Variants in USP34 observed in about 807,000 individuals in gnomAD.
USP34 encodes the protein ubiquitin carboxyl-terminal hydrolase 34.
A neutral mutation model predicts 460.3 loss-of-function variants in USP34; 70 were observed. That is an observed-to-expected ratio of 0.15 (90% CI 0.13 to 0.19). The LOEUF (loss-of-function observed/expected upper bound fraction) is 0.19, where lower values mean the gene tolerates loss of function less well. USP34 is among the 10% of genes least tolerant of loss of function. The probability of loss-of-function intolerance (pLI) is 1.00; values close to 1 mark genes in which losing one functional copy is unlikely to be tolerated. For missense variants in USP34, 3,985 were observed against 4,236.2 expected, an observed-to-expected ratio of 0.94 and a Z score of 1.65; for synonymous variants, 1,647 against 1,405.3, an observed-to-expected ratio of 1.17 and a Z score of -3.85.
At chr2:61,363,642 G>A (rs1266791553) in intron 10 of USP34, among the ~76,000 whole-genome samples, 1 of 152,118 alleles carries the variant, frequency 6.6e-6, no homozygotes, top group East Asian at 1.9e-4. Context: ...TAATCTTACG[G>A]GAACACTGTT....
chr2:61,319,405 C>G, intron 21 of USP34, 78 bp from the exon 22 acceptor site: 2 of 1,043,092 alleles, frequency 1.9e-6, no homozygotes, highest in Non-Finnish European at 2.6e-6. Flanking sequence ...TGTGTATGTA[C>G]AGTAAGTCCT....
At chr2:61,405,400 C>T (rs1693841341) in intron 3 of USP34, among the ~76,000 whole-genome samples, 2 of 148,366 alleles carry the variant, frequency 1.3e-5, no homozygotes, top group Admixed American at 1.3e-4. Flanking sequence ...CCATGTGTTT[C>T]TTTTCCCTCA....
intron 2 of USP34, among the ~76,000 whole-genome samples, chr2:61,407,372 G>A (rs1693906132): frequency 1.3e-5 from 2 of 152,176 alleles, no homozygotes; most frequent in Admixed American, 1.3e-4. Context: ...AAAAAAGGCA[G>A]GGAACGGTCT....
At chr2:61,344,112 TTACAAA>T in intron 15 of USP34, 83 bp from the exon 16 acceptor site, 1 of 1,290,818 alleles carries the variant, frequency 7.7e-7, no homozygotes, top group Non-Finnish European at 1.1e-6. Flanking sequence ...TCTCTTAAAC[TTACAAA>T]TACACTTAGA....
chr2:61,426,202 T>G (rs1017128540), intron 1 of USP34, among the ~76,000 whole-genome samples: 2 of 152,102 alleles, frequency 1.3e-5, no homozygotes, highest in African/African-American at 4.8e-5. Context: ...AACTCCTACT[T>G]GAGAAAAGCT....
intron 69 of USP34, among the ~76,000 whole-genome samples, chr2:61,209,916 T>C (rs1687225520): frequency 6.6e-6 from 1 of 152,146 alleles, no homozygotes; most frequent in Non-Finnish European, 1.5e-5. Flanking sequence ...TGTGTTTATG[T>C]CTTAGTTTTT....
intron 15 of USP34, among the ~76,000 whole-genome samples, chr2:61,346,104 G>T: frequency 6.6e-6 from 1 of 151,958 alleles, no homozygotes; most frequent in East Asian, 1.9e-4. Flanking sequence ...CACAATTTAG[G>T]AAAGTTTCCA....
chr2:61,230,761 T>C (rs182502150), intron 58 of USP34, among the ~76,000 whole-genome samples: 9 of 151,450 alleles, frequency 5.9e-5, no homozygotes, highest in African/African-American at 2.2e-4. Context: ...GGAGAATCAC[T>C]TGAACCCTGG....
chr2:61,300,013 C>A (rs1572912701), intron 29 of USP34, among the ~76,000 whole-genome samples: 1 of 152,132 alleles, frequency 6.6e-6, no homozygotes, highest in African/African-American at 2.4e-5. Flanking sequence ...AAACCACCAC[C>A]AAGTGATGTT....
chr2:61,314,670 G>C lies in USP34; in HGVS notation c.3457C>G (p.Leu1153Val). Residue 1153 changes from leucine (L) to valine (V), a missense_variant, in exon 25 of 80, where the codon CTT (leucine) becomes GTT (valine). Transcript: ENST00000398571. ...AGACTTGAGTGTGATTCCTGTTCAA[G>C]ACTGCTAGAAGCTATCATAAGACTC... is the stretch of plus-strand genomic sequence containing the variant. ...MESLMIASSS[L>V]EQESHSSLMV... The C allele has an allele frequency of 6.2e-7, 1 of 1,603,748 alleles. No individual in the cohort carries two copies. The highest frequency in any genetic ancestry group is 1.7e-4 in the Middle Eastern group (1 of 6,000).
chr2:61,460,767 G>A (rs1026955616), intron 1 of USP34, among the ~76,000 whole-genome samples: 5 of 152,022 alleles, frequency 3.3e-5, no homozygotes, highest in Non-Finnish European at 4.4e-5. Flanking sequence ...AGTGGATCAC[G>A]AGTTCAGGAG....
At chr2:61,418,326 C>G (rs1694258923) in intron 2 of USP34, among the ~76,000 whole-genome samples, 1 of 151,766 alleles carries the variant, frequency 6.6e-6, no homozygotes, top group South Asian at 2.1e-4. Flanking sequence ...GTGATCCACC[C>G]ACGTTGGCCT....
chr2:61,338,501 A>C (rs146598075), intron 18 of USP34, among the ~76,000 whole-genome samples: 52 of 152,332 alleles, frequency 3.4e-4, no homozygotes, highest in African/African-American at 1.0e-3. Flanking sequence ...TCAATAGGGG[A>C]AAAAAATATT....
At chr2:61,344,139 C>T (rs1190331239) in intron 15 of USP34, 110 bp from the exon 16 acceptor site, 2 of 948,100 alleles carry the variant, frequency 2.1e-6, no homozygotes, top group Admixed American at 2.5e-5. Flanking sequence ...AACAAACCGA[C>T]ATCTGCTTAT....
intron 53 of USP34, among the ~76,000 whole-genome samples, chr2:61,238,875 T>C (rs1688148205): frequency 6.6e-6 from 1 of 152,110 alleles, no homozygotes. Context: ...ATCAAGCAAG[T>C]CTATTGGCAC....
intron 62 of USP34, 45 bp from the exon 63 acceptor site, chr2:61,223,341 T>C (rs777927673): frequency 1.3e-6 from 2 of 1,567,742 alleles, no homozygotes; most frequent in East Asian, 4.5e-5. Context: ...TCCTTCTGTA[T>C]TACTTTACAG....
intron 21 of USP34, among the ~76,000 whole-genome samples, chr2:61,324,048 T>C (rs541813619): frequency 1.3e-5 from 2 of 152,310 alleles, no homozygotes; most frequent in African/African-American, 2.4e-5. Flanking sequence ...TGACGACTCC[T>C]AGCAAGACAG....
chr2:61,383,863 T>C (rs1243615956), intron 5 of USP34, among the ~76,000 whole-genome samples: 1 of 152,194 alleles, frequency 6.6e-6, no homozygotes, highest in African/African-American at 2.4e-5. Flanking sequence ...ATATATCTTA[T>C]TTTACATGAA....
At chr2:61,314,253 C>CT (rs973770724) in intron 25 of USP34, among the ~76,000 whole-genome samples, 3 of 151,724 alleles carry the variant, frequency 2.0e-5, no homozygotes, top group Non-Finnish European at 4.4e-5. Flanking sequence ...TTTAGAGAAA[C>CT]TTTTTTTAGT....
Sources: allele counts gnomAD v4.1 joint callset (sites outside exome capture counted in the v4.1 genomes callset), GRCh38; gene constraint gnomAD v4.1.1; transcripts MANE v1.5; gene names NCBI Gene and HGNC (gene_info 2026-07-23, HGNC 2026-07-21).